SMCHD1: variants seen among roughly 807,000 people sequenced by gnomAD.
The protein encoded by SMCHD1 is structural maintenance of chromosomes flexible hinge domain containing 1, also known as structural maintenance of chromosomes flexible hinge domain-containing protein 1.
Under a neutral mutation model 254.7 loss-of-function variants are expected in SMCHD1, and 78 were observed. That is an observed-to-expected ratio of 0.31 (90% CI 0.26 to 0.37). SMCHD1 has a LOEUF of 0.37. Ranked by LOEUF, SMCHD1 falls within the 10% of genes least tolerant of loss-of-function variation. The probability of loss-of-function intolerance (pLI) is 1.00; values close to 1 mark genes in which losing one functional copy is unlikely to be tolerated. For missense variants in SMCHD1, 1,840 were observed against 2,408.1 expected (o/e 0.76, Z 4.94); for synonymous variants, 766 against 794.9 (o/e 0.96, Z 0.61).
intron 5 of SMCHD1, among the ~76,000 whole-genome samples, chr18:2,675,156 T>C (rs2073711933): frequency 6.6e-6 from 1 of 152,080 alleles, no homozygotes; most frequent in Non-Finnish European, 1.5e-5. Context: ...AGTGAGTTAG[T>C]ACATGTAAAA....
chr18:2,733,056 C>T (rs746841643), intron 25 of SMCHD1, among the ~76,000 whole-genome samples: 1 of 152,208 alleles, frequency 6.6e-6, no homozygotes, highest in Non-Finnish European at 1.5e-5. Context: ...TAACACCTCA[C>T]TGAACAGGGA....
intron 45 of SMCHD1, among the ~76,000 whole-genome samples, chr18:2,790,637 T>G (rs2076304326): frequency 6.6e-6 from 1 of 152,128 alleles, no homozygotes; most frequent in Non-Finnish European, 1.5e-5. Context: ...GGCACACACC[T>G]GTAATCCCAA....
intron 37 of SMCHD1, among the ~76,000 whole-genome samples, chr18:2,768,614 A>G (rs74377781): frequency 1.2e-3 from 143 of 124,346 alleles, no homozygotes; most frequent in African/African-American, 3.5e-3. Flanking sequence ...AGTATAGTGT[A>G]CTATATACTA....
At chr18:2,760,792 TC>T (rs1157221193) in intron 35 of SMCHD1, 53 bp downstream of exon 35, 26 of 1,033,686 alleles carry the variant, frequency 2.5e-5, no homozygotes, top group Non-Finnish European at 3.6e-5. Flanking sequence ...TCTTTTTTTT[TC>T]CCTCTTGGTT....
intron 5 of SMCHD1, among the ~76,000 whole-genome samples, chr18:2,683,694 T>C (rs533413619): frequency 6.6e-6 from 1 of 152,326 alleles, no homozygotes; most frequent in Non-Finnish European, 1.5e-5. Flanking sequence ...TGGTAGTAAC[T>C]AGGGGGTATT....
At chr18:2,787,298 C>T (rs764463732) in intron 45 of SMCHD1, among the ~76,000 whole-genome samples, 1 of 152,076 alleles carries the variant, frequency 6.6e-6, no homozygotes, top group Non-Finnish European at 1.5e-5. Flanking sequence ...AGGGATCTGC[C>T]CTCATGACCC....
At chr18:2,732,233 C>T (rs758906703) in intron 24 of SMCHD1, 32 bp from the exon 25 acceptor site, 1 of 1,536,930 alleles carries the variant, frequency 6.5e-7, no homozygotes, top group Non-Finnish European at 9.0e-7. Context: ...GTACAGATAT[C>T]ACTCAGTGTT....
At chr18:2,709,494 G>A (rs1348069773) in intron 17 of SMCHD1, among the ~76,000 whole-genome samples, 3 of 152,008 alleles carry the variant, frequency 2.0e-5, no homozygotes, top group Non-Finnish European at 4.4e-5. Flanking sequence ...TTGCCTCATT[G>A]TACATTCCAG....
intron 25 of SMCHD1, among the ~76,000 whole-genome samples, chr18:2,737,929 GAA>G (rs930900008): frequency 1.3e-5 from 2 of 152,114 alleles, no homozygotes; most frequent in Non-Finnish European, 2.9e-5. Context: ...AAACACCTAA[GAA>G]GAGATTAAGG....
At chr18:2,685,676 CA>C (rs2074035476) in intron 5 of SMCHD1, among the ~76,000 whole-genome samples, 1 of 152,096 alleles carries the variant, frequency 6.6e-6, no homozygotes, top group Admixed American at 6.6e-5. Context: ...TTTACCTAAT[CA>C]AGGTACCTTA....
At chr18:2,760,792 T>TC (rs1157221193) in intron 35 of SMCHD1, 53 bp downstream of exon 35, 7 of 1,033,688 alleles carry the variant, frequency 6.8e-6, no homozygotes, top group Non-Finnish European at 8.9e-6. Flanking sequence ...TCTTTTTTTT[T>TC]CCCTCTTGGT....
chr18:2,743,204 C>G (rs1216093748), intron 28 of SMCHD1, among the ~76,000 whole-genome samples: 1 of 152,116 alleles, frequency 6.6e-6, no homozygotes, highest in Non-Finnish European at 1.5e-5. Flanking sequence ...ACGCATTATT[C>G]TAAGTAATAG....
intron 1 of SMCHD1, among the ~76,000 whole-genome samples, chr18:2,659,767 A>G (rs1315863097): frequency 2.5e-4 from 17 of 66,744 alleles, no homozygotes; most frequent in African/African-American, 1.8e-3. Context: ...GATTTTGAAA[A>G]AAAAAAAAAA....
chr18:2,738,291 G>T, intron 25 of SMCHD1, 106 bp from the exon 26 acceptor site: 1 of 1,035,670 alleles, frequency 9.7e-7, no homozygotes, highest in Non-Finnish European at 1.3e-6. Context: ...TTTTTTCTTG[G>T]GGGTGAAGAA....
chr18:2,729,432 T>A, intron 24 of SMCHD1, 23 bp downstream of exon 24: 1 of 1,476,992 alleles, frequency 6.8e-7, no homozygotes, highest in Non-Finnish European at 9.0e-7. Context: ...TGTTACTCAT[T>A]GATATTATAT....
In SMCHD1 at chr18:2,724,992, C is replaced by A; in HGVS notation, c.2697C>A (p.Gly899=). The A allele has an allele frequency of 1.3e-6, 2 of 1,557,444 alleles. No individual in the cohort carries two copies. Among genetic ancestry groups the A allele is most frequent in the Non-Finnish European group, 1.8e-6 (2 of 1,140,776 alleles). ...TAKGPVNSCQ[G]KNYNLKVTLP... ...AGGGCCCTGTAAACTCTTGTCAAGG[C>A]AAGGTAAGCATTATGTATAGATCCT... Residue 899 remains glycine, a synonymous_variant, in exon 21 of 48, where the codon GGC becomes GGA. Transcript: ENST00000320876.
Position 2,743,821 on chromosome 18 carries a change from A to G in SMCHD1, c.3694A>G (p.Lys1232Glu). 6.2e-7 allele frequency: 1 copy of G among 1,613,354 alleles called. No homozygotes were observed. Among genetic ancestry groups the G allele is most frequent in the Non-Finnish European group, 8.5e-7 (1 of 1,179,566 alleles). Reference protein sequence around the residue: ...IKFIPGPPGNKDLCFTWREFS... With the variant: ...IKFIPGPPGNEDLCFTWREFS... ...ATTTATTCCAGGTCCTCCTGGAAATAAGGATCTTTGTTTTACTTGGCGTGA... is the reference window on the plus strand; with the variant it reads ...ATTTATTCCAGGTCCTCCTGGAAATGAGGATCTTTGTTTTACTTGGCGTGA... Residue 1232 changes from lysine to glutamate, a missense_variant, in exon 29 of 48, where the codon AAG (lysine) becomes GAG (glutamate). This residue lies in a region of SMCHD1 where 881 missense variants were observed against 1,009.5 expected (regional missense o/e 0.87). Transcript: ENST00000320876.
intron 41 of SMCHD1, among the ~76,000 whole-genome samples, chr18:2,774,242 A>G (rs1017567013): frequency 2.0e-5 from 3 of 152,096 alleles, no homozygotes; most frequent in Non-Finnish European, 2.9e-5. Flanking sequence ...CAAGTAAGCC[A>G]TTTCTTCTGC....
intron 8 of SMCHD1, among the ~76,000 whole-genome samples, chr18:2,695,300 T>TA (rs1286956159): frequency 1.2e-4 from 18 of 148,538 alleles, no homozygotes; most frequent in Non-Finnish European, 2.2e-4. Context: ...TTAATGGCTC[T>TA]AAAAAAAAAT....
Sources: gnomAD v4.1 joint callset for allele counts (sites outside exome capture counted in the v4.1 genomes callset) on GRCh38, gnomAD v4.1.1 for gene constraint, gnomAD v4.1.1 regional missense constraint, MANE v1.5 for transcripts, NCBI Gene and HGNC (gene_info 2026-07-23, HGNC 2026-07-21) for gene names.